Variants in KIAA1328 observed in about 807,000 individuals in gnomAD.
The protein encoded by KIAA1328 is KIAA1328, also known as protein hinderin.
In KIAA1328, 52 loss-of-function variants were observed where a neutral mutation model predicts 68.1. The ratio of observed to expected loss-of-function variants is 0.76; its 90% confidence interval spans 0.61 to 0.96. KIAA1328 has a LOEUF of 0.96. KIAA1328 is among the 40% of genes least tolerant of loss of function. KIAA1328 has a pLI of 0.00. For synonymous variants in KIAA1328, 232 were observed against 239.4 expected (o/e 0.97, Z 0.28); for missense variants, 641 against 677.6 (o/e 0.95, Z 0.60).
chr18:36,968,473 TATC>T (rs1261928646), intron 6 of KIAA1328, among the ~76,000 whole-genome samples: 14 of 152,218 alleles, frequency 9.2e-5, no homozygotes, highest in South Asian at 8.3e-4. Flanking sequence ...GCAATTCTAA[TATC>T]AGACAAAACA....
intron 4 of KIAA1328, among the ~76,000 whole-genome samples, chr18:36,872,210 G>A (rs939428026): frequency 5.3e-5 from 8 of 152,048 alleles, no homozygotes; most frequent in African/African-American, 1.9e-4. Flanking sequence ...AATAACCTGT[G>A]GGGAGGGCAG....
intron 1 of KIAA1328, among the ~76,000 whole-genome samples, chr18:36,832,280 G>A (rs768357143): frequency 3.9e-5 from 6 of 152,158 alleles, no homozygotes; most frequent in Non-Finnish European, 8.8e-5. Context: ...TGTCATGGAT[G>A]TAGCTGAAAG....
intron 7 of KIAA1328, among the ~76,000 whole-genome samples, chr18:37,077,866 G>A (rs904489933): frequency 7.0e-4 from 107 of 151,952 alleles, no homozygotes; most frequent in Non-Finnish European, 7.4e-4. Context: ...ATGCTCATGG[G>A]TAGGAAGAAT....
chr18:36,937,677 A>G (rs1047436212), intron 5 of KIAA1328, among the ~76,000 whole-genome samples: 4 of 152,334 alleles, frequency 2.6e-5, no homozygotes, highest in East Asian at 1.9e-4. Context: ...TTGAGGTAAT[A>G]TACTACATTT....
chr18:37,032,675 C>G (rs138377557), intron 6 of KIAA1328, among the ~76,000 whole-genome samples: 1 of 152,100 alleles, frequency 6.6e-6, no homozygotes, highest in African/African-American at 2.4e-5. Context: ...GAGTTTCACT[C>G]TTGTTGCCCA....
intron 5 of KIAA1328, among the ~76,000 whole-genome samples, chr18:36,952,407 C>CT (rs755799214): frequency 2.2e-4 from 34 of 151,930 alleles, no homozygotes; most frequent in Admixed American, 3.9e-4. Context: ...GCCTTGATGT[C>CT]TTTTTTTTTT....
intron 5 of KIAA1328, among the ~76,000 whole-genome samples, chr18:36,886,899 C>T (rs1231879655): frequency 6.6e-6 from 1 of 152,072 alleles, no homozygotes; most frequent in Non-Finnish European, 1.5e-5. Flanking sequence ...TTGAAAAATA[C>T]AAGACTGTAG....
At chr18:37,179,833 G>A (rs769616748) in intron 9 of KIAA1328, among the ~76,000 whole-genome samples, 18 of 151,772 alleles carry the variant, frequency 1.2e-4, no homozygotes, top group Non-Finnish European at 2.4e-4. Context: ...TCCTTTGCTG[G>A]GCCACAAAGA....
chr18:37,176,381 T>C (rs2059597834), intron 9 of KIAA1328, among the ~76,000 whole-genome samples: 1 of 152,220 alleles, frequency 6.6e-6, no homozygotes, highest in Non-Finnish European at 1.5e-5. Context: ...GTAGAAATAT[T>C]CATCTATCTC....
At chr18:37,134,714 C>G (rs1361397909) in intron 7 of KIAA1328, among the ~76,000 whole-genome samples, 2 of 152,076 alleles carry the variant, frequency 1.3e-5, no homozygotes, top group Non-Finnish European at 2.9e-5. Flanking sequence ...ATAATTTCAA[C>G]TTTTATTTTA....
intron 5 of KIAA1328, among the ~76,000 whole-genome samples, chr18:36,934,388 C>T (rs2050423737): frequency 6.6e-6 from 1 of 151,950 alleles, no homozygotes; most frequent in Non-Finnish European, 1.5e-5. Context: ...TATACATGTG[C>T]CATGCTGGTG....
intron 6 of KIAA1328, chr18:37,063,518 C>A: frequency 2.9e-6 from 1 of 341,562 alleles, no homozygotes; most frequent in Non-Finnish European, 4.1e-6. Context: ...GTCATATTCA[C>A]AGGTCCTCCC....
At chr18:36,935,876 A>G (rs2151165176) in intron 5 of KIAA1328, among the ~76,000 whole-genome samples, 1 of 152,272 alleles carries the variant, frequency 6.6e-6, no homozygotes, top group Admixed American at 6.5e-5. Context: ...GCATGTATTA[A>G]TGAGATATAA....
At chr18:36,839,037 T>A (rs2046773207) in intron 3 of KIAA1328, among the ~76,000 whole-genome samples, 1 of 152,162 alleles carries the variant, frequency 6.6e-6, no homozygotes, top group African/African-American at 2.4e-5. Context: ...CCATCCTACC[T>A]TGGAGTAATT....
intron 6 of KIAA1328, among the ~76,000 whole-genome samples, chr18:36,995,324 A>G (rs1160947529): frequency 6.6e-6 from 1 of 152,158 alleles, no homozygotes. Flanking sequence ...TCCATGGAGT[A>G]TATGTGCCAC....
chr18:36,854,723 G>A (rs1420581980), intron 4 of KIAA1328, among the ~76,000 whole-genome samples: 1 of 151,998 alleles, frequency 6.6e-6, no homozygotes, highest in African/African-American at 2.4e-5. Context: ...GTGGCATTTA[G>A]TATATACACA....
At chr18:37,047,660 T>G (rs1368730386) in intron 6 of KIAA1328, among the ~76,000 whole-genome samples, 4 of 152,218 alleles carry the variant, frequency 2.6e-5, no homozygotes, top group Non-Finnish European at 5.9e-5. Flanking sequence ...ATGTCAACTC[T>G]GCTATGAAAC....
intron 6 of KIAA1328, among the ~76,000 whole-genome samples, chr18:36,999,586 T>C (rs2053514294): frequency 6.6e-6 from 1 of 152,116 alleles, no homozygotes; most frequent in South Asian, 2.1e-4. Context: ...AGCAGACACC[T>C]TACAAGCTCA....
chr18:36,836,006 C>T (rs1173525735), intron 3 of KIAA1328, among the ~76,000 whole-genome samples: 1 of 152,130 alleles, frequency 6.6e-6, no homozygotes, highest in Non-Finnish European at 1.5e-5. Context: ...CAGCTGTGCT[C>T]ATTGTTTTAC....
Sources: gnomAD v4.1 joint callset for allele counts (sites outside exome capture counted in the v4.1 genomes callset) on GRCh38, gnomAD v4.1.1 for gene constraint, MANE v1.5 for transcripts, NCBI Gene and HGNC (gene_info 2026-07-23, HGNC 2026-07-21) for gene names.